PDE12: variants seen among roughly 807,000 people sequenced by gnomAD.
PDE12 encodes the protein phosphodiesterase 12, also known as 2',5'-phosphodiesterase 12.
Under a neutral mutation model 45.4 loss-of-function variants are expected in PDE12, and 26 were observed. That is an observed-to-expected ratio of 0.57 (90% CI 0.42 to 0.79). The LOEUF is 0.79. Ranked by LOEUF, PDE12 falls within the 30% of genes least tolerant of loss-of-function variation. The pLI is 0.00. For missense variants in PDE12, 668 were observed against 790.0 expected (o/e 0.85, Z 1.85); for synonymous variants, 283 against 323.9 (o/e 0.87, Z 1.36).
In PDE12 at chr3:57,556,875, G is replaced by A. The variant is rs2069667861; in HGVS notation, c.496G>A (p.Glu166Lys). ...KVERNPPAFT[E>K]LQLPRYIMAG... Reference sequence around the variant, plus strand: ...GGAGCGCAACCCGCCCGCCTTCACCGAACTGCAGTTGCCGCGCTACATCAT... The same window carrying A: ...GGAGCGCAACCCGCCCGCCTTCACCAAACTGCAGTTGCCGCGCTACATCAT... The change falls in exon 1 of 3, where the codon GAA becomes AAA. Residue 166 changes from glutamate to lysine, a missense_variant. By Grantham distance (56) the Glu-to-Lys change is moderately conservative. Around this residue, in one of 3 missense-constraint regions of PDE12, gnomAD observed 580 missense variants for 662.9 expected, o/e 0.87. Transcript: ENST00000311180. This position sits in a 1 kb window ranked among gnomAD's most constrained non-coding sequence, Gnocchi z 5.0. The A allele has an allele frequency of 6.2e-7, 1 of 1,614,016 alleles. No individual in the cohort carries two copies. The highest frequency in any genetic ancestry group is 1.3e-5 in the African/African-American group (1 of 74,936).
chr3:57,635,593 G>A, the PDE12 span, among the ~76,000 whole-genome samples: 1 of 152,098 alleles, frequency 6.6e-6, no homozygotes, highest in African/African-American at 2.4e-5. Context: ...TATAATTGAA[G>A]CCTCTAAATT....
chr3:57,646,600 G>C, the PDE12 span, among the ~76,000 whole-genome samples: 1 of 152,284 alleles, frequency 6.6e-6, no homozygotes, highest in Non-Finnish European at 1.5e-5. Flanking sequence ...GATGTATAGA[G>C]ACATAAGTCC....
the PDE12 span, among the ~76,000 whole-genome samples, chr3:57,610,577 C>T: frequency 6.6e-6 from 1 of 152,122 alleles, no homozygotes; most frequent in Non-Finnish European, 1.5e-5. Context: ...CACAAACATT[C>T]TTATACACCA....
the PDE12 span, among the ~76,000 whole-genome samples, chr3:57,607,744 A>T: frequency 6.6e-6 from 1 of 152,192 alleles, no homozygotes; most frequent in Non-Finnish European, 1.5e-5. Context: ...AAAAGACCAA[A>T]TCTACGTCTG....
At chr3:57,616,408 G>A in the PDE12 span, among the ~76,000 whole-genome samples, 2 of 150,892 alleles carry the variant, frequency 1.3e-5, no homozygotes, top group South Asian at 2.1e-4. Flanking sequence ...AAGAAGAGGC[G>A]GAAGAGGCGG....
the PDE12 span, among the ~76,000 whole-genome samples, chr3:57,579,098 A>G: frequency 6.6e-6 from 1 of 151,610 alleles, no homozygotes; most frequent in Admixed American, 6.6e-5. Context: ...GGAGTTCGAG[A>G]TCAGCCTGGT....
chr3:57,634,677 T>C, the PDE12 span: 11 of 1,504,962 alleles, frequency 7.3e-6, no homozygotes, highest in African/African-American at 1.6e-4. Context: ...TATAAATATA[T>C]ATTTAAAAAT....
chr3:57,618,627 T>TTTTTTG, the PDE12 span, among the ~76,000 whole-genome samples: 46 of 136,904 alleles, frequency 3.4e-4, no homozygotes, highest in East Asian at 5.3e-4. Flanking sequence ...TTTTTTTTTT[T>TTTTTTG]GAGATGGAGT....
rs1054944609 is a variant in PDE12, at chr3:57,566,451, G to A, written c.*6447G>A. 6.6e-6 allele frequency: 1 copy of A among 152,170 alleles called. No homozygotes were observed. Among genetic ancestry groups the A allele is most frequent in the African/African-American group, 2.4e-5 (1 of 41,446 alleles). The allele number at this position is 152,170 out of a possible 1,614,324, so 9.4% of individuals were successfully genotyped here. On this transcript the variant is annotated 3_prime_UTR_variant, in exon 3 of 3. Transcript: ENST00000311180. ...ATGCTGCCATAAACATTTGTGATAA[G>A]TTTTTGAGTGAATATGTGTTTTTGT...
the PDE12 span, among the ~76,000 whole-genome samples, chr3:57,642,443 C>A: frequency 6.6e-6 from 1 of 151,382 alleles, no homozygotes; most frequent in Non-Finnish European, 1.5e-5. Flanking sequence ...GCGTTTTTTG[C>A]CAAGTGGATG....
chr3:57,592,899 C>T, the PDE12 span, among the ~76,000 whole-genome samples: 2 of 152,142 alleles, frequency 1.3e-5, no homozygotes, highest in African/African-American at 4.8e-5. Flanking sequence ...GGAACAAAAA[C>T]TTCCTCTTAA....
the PDE12 span, among the ~76,000 whole-genome samples, chr3:57,583,258 A>G: frequency 1.3e-5 from 2 of 152,160 alleles, no homozygotes; most frequent in African/African-American, 2.4e-5. Flanking sequence ...TGCATATTAA[A>G]GTTTAAGAAA....
the PDE12 span, among the ~76,000 whole-genome samples, chr3:57,578,074 T>A: frequency 1.3e-5 from 2 of 151,678 alleles, no homozygotes; most frequent in Non-Finnish European, 1.5e-5. Context: ...AAAAACCCCA[T>A]GAATTTACTA....
chr3:57,621,583 T>C, the PDE12 span, among the ~76,000 whole-genome samples: 2 of 152,022 alleles, frequency 1.3e-5, no homozygotes, highest in East Asian at 3.9e-4. Flanking sequence ...GGCAGGAGAA[T>C]TGCTTGAACC....
At chr3:57,618,058 A>C in the PDE12 span, among the ~76,000 whole-genome samples, 125,983 of 152,082 alleles carry the variant, frequency 0.83, 52,476 homozygotes, top group East Asian at 1. Context: ...TGCAAGTTCT[A>C]ACCTATAAGT....
At chr3:57,653,488 G>A in the PDE12 span, among the ~76,000 whole-genome samples, 2 of 151,968 alleles carry the variant, frequency 1.3e-5, no homozygotes, top group African/African-American at 4.8e-5. Context: ...GCTCACGCCT[G>A]TAATCCCAGC....
chr3:57,596,135 A>G, the PDE12 span, among the ~76,000 whole-genome samples: 1 of 152,158 alleles, frequency 6.6e-6, no homozygotes, highest in Non-Finnish European at 1.5e-5. Context: ...GCCAACTGAC[A>G]GCCCTTCTCC....
the PDE12 span, chr3:57,626,060 A>C: frequency 2.6e-5 from 4 of 152,668 alleles, no homozygotes; most frequent in African/African-American, 9.6e-5. Flanking sequence ...AAATACTTTT[A>C]GCATATAAAA....
chr3:57,585,711 G>A, the PDE12 span, among the ~76,000 whole-genome samples: 1 of 142,262 alleles, frequency 7.0e-6, no homozygotes, highest in African/African-American at 2.7e-5. Flanking sequence ...CACCCAGGCT[G>A]AAGTGCAATG....
Sources: allele counts gnomAD v4.1 joint callset (sites outside exome capture counted in the v4.1 genomes callset), GRCh38; gene constraint gnomAD v4.1.1; regional missense constraint gnomAD v4.1.1; non-coding constraint Gnocchi (gnomAD v3.1); transcripts MANE v1.5; gene names NCBI Gene and HGNC (gene_info 2026-07-23, HGNC 2026-07-21).